PTPRQ: variants seen among roughly 807,000 people sequenced by gnomAD.
PTPRQ encodes phosphatidylinositol phosphatase PTPRQ.
Under a neutral mutation model 246.0 loss-of-function variants are expected in PTPRQ, and 199 were observed. That is an observed-to-expected ratio of 0.81 (90% confidence interval 0.72 to 0.91). The LOEUF (loss-of-function observed/expected upper bound fraction) is 0.91. Among genes scored for constraint, PTPRQ ranks in the 40% least tolerant of loss-of-function variants. The probability of loss-of-function intolerance (pLI) is 0.00; values close to 1 mark genes in which losing one functional copy is unlikely to be tolerated. For synonymous variants in PTPRQ, 869 were observed against 853.2 expected, an observed-to-expected ratio of 1.02 and a Z score of -0.32; for missense variants, 2,624 against 2,528.4, an observed-to-expected ratio of 1.04 and a Z score of -0.81.
At chr12:80,454,720 A>G (rs577639945) in intron 3 of PTPRQ, among the ~76,000 whole-genome samples, 1 of 152,296 alleles carries the variant, frequency 6.6e-6, no homozygotes, top group South Asian at 2.1e-4. Flanking sequence ...ATCTGTTGAG[A>G]CGATCATATG....
In PTPRQ at chr12:80,635,064, G is replaced by T. The variant is rs1353121656; in HGVS notation, c.5906G>T (p.Arg1969Ile). 2.6e-6 allele frequency: 4 copies of T among 1,550,756 alleles called. No homozygotes were observed. Among genetic ancestry groups the T allele is most frequent in the Non-Finnish European group, 2.6e-6 (3 of 1,146,620 alleles). Residue 1969 changes from arginine to isoleucine, a missense_variant, in exon 35 of 45, where the codon AGA becomes ATA. Transcript: ENST00000644991. ...GCAGACCTGGAACTGAAGGACGAGA[G>T]ATTAACGCGGTGAGCACACTCCTCT... Reference protein sequence around the residue: ...TVADLELKDERLTRLLSYRKS... With the variant: ...TVADLELKDEILTRLLSYRKS...
intron 9 of PTPRQ, 42 bp downstream of exon 9, chr12:80,484,647 T>C (rs1299668275): frequency 3.2e-6 from 5 of 1,541,922 alleles, no homozygotes; most frequent in East Asian, 2.5e-5. Flanking sequence ...CCCTTTCTGC[T>C]TGGTTCTGGC....
chr12:80,482,167 C>A (rs867795050), intron 8 of PTPRQ, among the ~76,000 whole-genome samples: 1 of 151,350 alleles, frequency 6.6e-6, no homozygotes, highest in African/African-American at 2.4e-5. Context: ...GTACTGGTAC[C>A]AAAACAGAGA....
At chr12:80,644,265 C>A (rs2121207452) in intron 35 of PTPRQ, among the ~76,000 whole-genome samples, 1 of 152,124 alleles carries the variant, frequency 6.6e-6, no homozygotes, top group South Asian at 2.1e-4. Flanking sequence ...ACTTTTCAAC[C>A]AAAAGATATA....
chr12:80,641,215 T>A (rs1899844684), intron 35 of PTPRQ, among the ~76,000 whole-genome samples: 1 of 152,134 alleles, frequency 6.6e-6, no homozygotes, highest in Non-Finnish European at 1.5e-5. Flanking sequence ...GCACAAACAT[T>A]TTTTGTTACA....
chr12:80,510,062 C>T lies in PTPRQ; in HGVS notation c.2558-261C>T, dbSNP rs1306278399. 4.6e-5 allele frequency among the ~76,000 whole-genome samples: 7 copies of T among 152,202 alleles called. No individual in the cohort carries two copies. The East Asian group carries it at 1.2e-3, about 25-fold the overall frequency. On this transcript the variant is annotated intron_variant, in intron 16 of 44. Coordinates refer to ENST00000644991, the MANE Select transcript of PTPRQ (RefSeq NM_001145026.2). ...ATGTACTTGAACAGTAGGTGAGTCA[C>T]TGTGACATACCCCTTGTTCTTCTTT...
At chr12:80,535,678 C>T (rs1018334640) in intron 19 of PTPRQ, among the ~76,000 whole-genome samples, 2 of 152,038 alleles carry the variant, frequency 1.3e-5, no homozygotes, top group African/African-American at 4.8e-5. Flanking sequence ...CATGCATTTA[C>T]TTTGAAAAAA....
rs971900374 is a variant in PTPRQ at position 80,539,756 on chromosome 12, T to C, written c.2986-20T>C. On this transcript the variant is annotated intron_variant, in intron 19 of 44. Transcript: ENST00000644991. The stretch of plus-strand genomic sequence containing the variant: ...TACTAAAAAAATACATTCTGAACAA[T>C]GAATGTGTTTATTTTTCAGAATTTT... The C allele has an allele frequency of 6.6e-6, 10 of 1,513,578 alleles. No homozygotes were observed. In the Admixed American group the frequency reaches 2.3e-4, roughly 35 times the overall value. The allele number at this position is 1,513,578 out of a possible 1,614,324, so 93.8% of individuals were successfully genotyped here. A position where few individuals can be genotyped will look rare whatever the true frequency, so the allele number is the denominator to read the frequency against.
intron 36 of PTPRQ, 86 bp from the exon 37 acceptor site, chr12:80,649,502 C>T: frequency 1.4e-6 from 2 of 1,462,848 alleles, no homozygotes; most frequent in Non-Finnish European, 1.8e-6. Flanking sequence ...TGTTCTTTAA[C>T]TTGTTAAAAG....
chr12:80,488,441 C>T (rs892415705), intron 9 of PTPRQ, among the ~76,000 whole-genome samples: 8 of 151,966 alleles, frequency 5.3e-5, no homozygotes, highest in Admixed American at 1.3e-4. Flanking sequence ...GAACAGATGA[C>T]GAAGGTATAT....
chr12:80,488,585 G>A (rs1894352392), intron 9 of PTPRQ, among the ~76,000 whole-genome samples: 1 of 152,036 alleles, frequency 6.6e-6, no homozygotes. Context: ...GAAAACAGGA[G>A]TGGTTTAAAG....
chr12:80,518,333 A>T (rs1895368368), intron 17 of PTPRQ, among the ~76,000 whole-genome samples: 1 of 151,986 alleles, frequency 6.6e-6, no homozygotes, highest in African/African-American at 2.4e-5. Flanking sequence ...TTGGATTGTT[A>T]GTTCTTTTTC....
intron 6 of PTPRQ, among the ~76,000 whole-genome samples, chr12:80,468,027 C>A (rs1256641387): frequency 6.6e-6 from 1 of 151,238 alleles, no homozygotes; most frequent in African/African-American, 2.4e-5. Context: ...ATTTTTAAAA[C>A]AATGATTTCA....
intron 39 of PTPRQ, among the ~76,000 whole-genome samples, chr12:80,662,054 C>T (rs529054039): frequency 6.6e-6 from 1 of 151,850 alleles, no homozygotes; most frequent in Non-Finnish European, 1.5e-5. Context: ...AACTTACTGC[C>T]TTCTTCTATA....
chr12:80,575,199 C>G (rs192522802), intron 25 of PTPRQ, among the ~76,000 whole-genome samples: 74 of 152,224 alleles, frequency 4.9e-4, no homozygotes, highest in African/African-American at 1.7e-3. Flanking sequence ...TGTATAATAG[C>G]CTTAATGTCA....
intron 3 of PTPRQ, among the ~76,000 whole-genome samples, chr12:80,456,639 A>G (rs886386219): frequency 6.6e-6 from 1 of 152,068 alleles, no homozygotes; most frequent in African/African-American, 2.4e-5. Flanking sequence ...TTTAAGGTCT[A>G]TTGGGAAGCC....
At chr12:80,539,227 G>C (rs1565773148) in intron 19 of PTPRQ, among the ~76,000 whole-genome samples, 1 of 152,032 alleles carries the variant, frequency 6.6e-6, no homozygotes, top group Non-Finnish European at 1.5e-5. Flanking sequence ...GAGTACATCA[G>C]TCTGCTATCC....
chr12:80,460,375 T>A (rs561985088), intron 5 of PTPRQ, among the ~76,000 whole-genome samples: 5 of 152,188 alleles, frequency 3.3e-5, no homozygotes, highest in Admixed American at 1.3e-4. Context: ...AGCTTAAAAA[T>A]TCTTACAGAT....
chr12:80,639,273 C>A (rs1415433622), intron 35 of PTPRQ, among the ~76,000 whole-genome samples: 1 of 152,102 alleles, frequency 6.6e-6, no homozygotes, highest in East Asian at 1.9e-4. Context: ...ATCTTCTTTC[C>A]GCATTTAAGT....
Sources: gnomAD v4.1 joint callset for allele counts (sites outside exome capture counted in the v4.1 genomes callset) on GRCh38, gnomAD v4.1.1 for gene constraint, MANE v1.5 for transcripts, NCBI Gene and HGNC (gene_info 2026-07-23, HGNC 2026-07-21) for gene names.